The following ADGRL2 variants were observed in gnomAD, a reference collection of about 807,000 sequenced individuals.
ADGRL2 encodes the protein calcium-independent alpha-latrotoxin receptor 2.
A neutral mutation model predicts 157.4 loss-of-function variants in ADGRL2; 44 were observed. The observed-to-expected ratio is 0.28, with a 90% CI of 0.22 to 0.36. The LOEUF (loss-of-function observed/expected upper bound fraction) is 0.36. Among genes scored for constraint, ADGRL2 ranks in the 10% least tolerant of loss-of-function variants. ADGRL2 has a pLI of 1.00. For synonymous variants in ADGRL2, 585 were observed against 624.7 expected (o/e 0.94, Z 0.95); for missense variants, 1,510 against 1,768.9 (o/e 0.85, Z 2.63).
rs1042646142 is a variant in ADGRL2, at chr1:81,993,231, G to A, written c.*2086G>A. Among the ~76,000 whole-genome samples, 2 of 148,028 alleles carry A rather than the reference G, an allele frequency of 1.4e-5. No homozygotes were observed. The highest frequency in any genetic ancestry group is 1.5e-5 in the Non-Finnish European group (1 of 67,274). On this transcript the variant is annotated 3_prime_UTR_variant, in exon 24 of 24. Coordinates refer to ENST00000686636, the MANE Select transcript of ADGRL2 (RefSeq NM_001366006.2). The stretch of plus-strand genomic sequence containing the variant: ...CAGATTTAACAATCCTCTGAGAATG[G>A]TACTCATTTATTTGGCTAAAATTCT...
intron 3 of ADGRL2, among the ~76,000 whole-genome samples, chr1:81,658,993 C>T (rs1444828142): frequency 1.3e-5 from 2 of 151,406 alleles, no homozygotes. Flanking sequence ...CTCAGGTGAT[C>T]CACCCACCTT....
At chr1:81,666,060 G>A (rs1244083763) in intron 3 of ADGRL2, among the ~76,000 whole-genome samples, 1 of 152,124 alleles carries the variant, frequency 6.6e-6, no homozygotes, top group African/African-American at 2.4e-5. Context: ...AGATAAGCAA[G>A]CACAATCCAG....
At chr1:81,440,440 T>C (rs1446945554) in intron 1 of ADGRL2, among the ~76,000 whole-genome samples, 2 of 152,204 alleles carry the variant, frequency 1.3e-5, no homozygotes, top group African/African-American at 4.8e-5. Flanking sequence ...TTAACTCTGG[T>C]TGCGCTTTCT....
chr1:81,456,117 T>G (rs1183004916), intron 2 of ADGRL2, among the ~76,000 whole-genome samples: 1 of 152,228 alleles, frequency 6.6e-6, no homozygotes, highest in African/African-American at 2.4e-5. Context: ...TTGCTGAGAT[T>G]GTCTTCAAAG....
intron 2 of ADGRL2, among the ~76,000 whole-genome samples, chr1:81,864,296 G>A (rs1170004551): frequency 3.4e-5 from 1 of 29,508 alleles, no homozygotes; most frequent in Non-Finnish European, 6.7e-5. Context: ...CAAGTCATGT[G>A]TCTGAAGTCA....
chr1:81,943,152 A>G lies in ADGRL2; in HGVS notation c.593A>G (p.Asn198Ser), dbSNP rs1026922526. 1.9e-6 allele frequency: 3 copies of G among 1,613,578 alleles called. No homozygotes were observed. The highest frequency in any genetic ancestry group is 2.7e-5 in the African/African-American group (2 of 75,000). ...IEYASLEDFQ[N>S]SRQTTTYKLP... ...TATGCTTCTTTAGAAGATTTCCAAA[A>G]TAGTCGCCAAACAACAACATATAAA... The change falls in exon 6 of 24, where the codon AAT (asparagine) becomes AGT (serine). Residue 198 changes from asparagine to serine, a missense_variant. Asn to Ser is a conservative substitution (Grantham distance 46). Around this residue, in one of 4 missense-constraint regions of ADGRL2, gnomAD observed 361 missense variants for 498.4 expected, o/e 0.72. Coordinates refer to ENST00000686636, the MANE Select transcript of ADGRL2 (RefSeq NM_001366006.2). The surrounding 1 kb of genome is among the most constrained non-coding windows in gnomAD (Gnocchi z 5.6).
chr1:81,565,997 A>G (rs566151264), intron 2 of ADGRL2, among the ~76,000 whole-genome samples: 1 of 152,306 alleles, frequency 6.6e-6, no homozygotes, highest in South Asian at 2.1e-4. Context: ...AGCTTTGCAG[A>G]GGGGTACAGA....
rs550579592 is a variant in ADGRL2 at position 81,984,583 on chromosome 1, G to A, written c.3283G>A (p.Val1095Ile). 1.2e-6 allele frequency: 2 copies of A among 1,601,994 alleles called. No homozygotes were observed. The highest frequency in any genetic ancestry group is 2.2e-5 in the East Asian group (1 of 44,590). The change falls in exon 20 of 24, where the codon GTA (valine) becomes ATA (isoleucine). Residue 1095 changes from valine to isoleucine, a missense_variant and splice_region_variant. Physicochemically the swap from Val to Ile is conservative, Grantham distance 29. This residue lies in a region of ADGRL2 where 497 missense variants were observed against 627.2 expected (regional missense o/e 0.79). Coordinates refer to ENST00000686636, the MANE Select transcript of ADGRL2 (RefSeq NM_001366006.2). ...FIFHCALQKK[V>I]RKEYGKCFRH... ...TTGGTCTTGTGATTATTCAATGCAG[G>A]TACGAAAAGAATATGGCAAGTGCTT...
intron 3 of ADGRL2, among the ~76,000 whole-genome samples, chr1:81,644,121 TG>T (rs1447379234): frequency 6.6e-6 from 1 of 152,196 alleles, no homozygotes; most frequent in East Asian, 1.9e-4. Context: ...GGCAATATAT[TG>T]GAAGAAAGTC....
intron 3 of ADGRL2, among the ~76,000 whole-genome samples, chr1:81,674,785 T>G (rs2082952204): frequency 6.6e-6 from 1 of 152,144 alleles, no homozygotes; most frequent in African/African-American, 2.4e-5. Flanking sequence ...AAATTGGCAC[T>G]ACAGGCACAT....
At chr1:81,373,998 C>T (rs961302379) in intron 1 of ADGRL2, among the ~76,000 whole-genome samples, 1 of 151,896 alleles carries the variant, frequency 6.6e-6, no homozygotes, top group African/African-American at 2.4e-5. Context: ...TCAAGGATAC[C>T]GTGGATAAGA....
At chr1:81,380,144 A>G (rs2076318892) in intron 1 of ADGRL2, among the ~76,000 whole-genome samples, 1 of 151,804 alleles carries the variant, frequency 6.6e-6, no homozygotes, top group South Asian at 2.1e-4. Flanking sequence ...TACAAACTCT[A>G]ACTTTTTTTC....
intron 1 of ADGRL2, chr1:81,722,801 A>C (rs1299156569): frequency 4.1e-6 from 3 of 723,908 alleles, no homozygotes; most frequent in African/African-American, 3.5e-5. Context: ...GCCAGACCAC[A>C]GTCAGAAGCT....
chr1:81,922,526 A>T (rs537795079), intron 3 of ADGRL2, among the ~76,000 whole-genome samples: 3 of 152,200 alleles, frequency 2.0e-5, no homozygotes, highest in Non-Finnish European at 2.9e-5. Flanking sequence ...AAGGAGTTCA[A>T]TCTTTTTATA....
Position 81,985,575 on chromosome 1 carries a change from A to G in ADGRL2, c.3508+220A>G, listed in dbSNP as rs370182285. Among the ~76,000 whole-genome samples, 3 of 152,016 alleles carry G rather than the reference A, an allele frequency of 2.0e-5. No homozygotes were observed. The East Asian group carries it at 5.8e-4, about 29-fold the overall frequency. ...CAAGACATTTATGAAGGTTTTCTTC[A>G]TAAAACATTAATAAAATTAGAATAG... On this transcript the variant is annotated intron_variant, in intron 21 of 23. Coordinates refer to ENST00000686636, the MANE Select transcript of ADGRL2 (RefSeq NM_001366006.2).
rs954003587 is a variant in ADGRL2 at position 81,716,784 on chromosome 1, A to G, written c.-143+16976A>G. ...GAAAAGTATGGACAGAAGGTAAATT[A>G]CAGTTTGTGTGTGTGTGTTTTGTGG... On this transcript the variant is annotated intron_variant, in intron 1 of 20. Transcript: ENST00000359929. Among the ~76,000 whole-genome samples the G allele has an allele frequency of 6.6e-5, 10 of 152,314 alleles. No individual in the cohort carries two copies. In the East Asian group the frequency reaches 1.2e-3, roughly 18 times the overall value.
At chr1:81,780,579 G>A (rs1471499480) in intron 2 of ADGRL2, among the ~76,000 whole-genome samples, 1 of 152,118 alleles carries the variant, frequency 6.6e-6, no homozygotes, top group African/African-American at 2.4e-5. Flanking sequence ...AGGTCAGTAA[G>A]TTTCATCCCA....
chr1:81,736,874 G>T (rs1020480429), intron 1 of ADGRL2, among the ~76,000 whole-genome samples: 1 of 152,014 alleles, frequency 6.6e-6, no homozygotes, highest in Non-Finnish European at 1.5e-5. Flanking sequence ...TCACTCTGTT[G>T]TCCAGGCTGG....
rs905562684 is a variant in ADGRL2, at chr1:81,497,232, G to A, written c.-248+52143G>A. Among the ~76,000 whole-genome samples the A allele has an allele frequency of 3.3e-5, 5 of 152,280 alleles. No individual in the cohort carries two copies. The East Asian group carries it at 9.6e-4, about 29-fold the overall frequency. ...AAGGTCTAGGTAGCTGGGTTCACCT[G>A]TCTTGGTTCCCCATTTCCTTTCACT... On this transcript the variant is annotated intron_variant, in intron 2 of 24. Transcript: ENST00000370721.
Sources: gnomAD v4.1 joint callset for allele counts (sites outside exome capture counted in the v4.1 genomes callset) on GRCh38, gnomAD v4.1.1 for gene constraint, gnomAD v4.1.1 regional missense constraint, Gnocchi (gnomAD v3.1) non-coding constraint, MANE v1.5 for transcripts, NCBI Gene and HGNC (gene_info 2026-07-23, HGNC 2026-07-21) for gene names.